The following CTIF variants were observed in gnomAD, a reference collection of about 807,000 sequenced individuals.
CTIF encodes cap binding complex dependent translation initiation factor, also known as CBP80/20-dependent translation initiation factor.
CTIF carries 21 observed loss-of-function variants against 66.0 expected under a neutral mutation model. That is an observed-to-expected ratio of 0.32 (90% confidence interval 0.23 to 0.46). CTIF has a LOEUF of 0.46. CTIF is among the 20% of genes least tolerant of loss of function. The pLI is 1.00. For synonymous variants in CTIF, 345 were observed against 326.4 expected, an observed-to-expected ratio of 1.06 and a Z score of -0.62; for missense variants, 739 against 812.7, an observed-to-expected ratio of 0.91 and a Z score of 1.10.
At chr18:48,808,625 T>C (rs79410603) in intron 9 of CTIF, among the ~76,000 whole-genome samples, 7,148 of 152,086 alleles carry the variant, frequency 0.047, 551 homozygotes, top group African/African-American at 0.16. Flanking sequence ...CTTAGACAGC[T>C]GTCCCTGCAC....
chr18:48,650,409 TGAGAA>T (rs963366392), intron 3 of CTIF, among the ~76,000 whole-genome samples: 1 of 151,868 alleles, frequency 6.6e-6, no homozygotes, highest in African/African-American at 2.4e-5. Flanking sequence ...TGAAATAAAG[TGAGAA>T]GAGAAGTTTA....
chr18:48,650,298 G>A (rs898353641), intron 3 of CTIF, among the ~76,000 whole-genome samples: 73 of 152,298 alleles, frequency 4.8e-4, no homozygotes, highest in African/African-American at 1.7e-3. Context: ...ACCTGATGGA[G>A]CTGAAAACCA....
chr18:48,540,763 G>T (rs1447209369), intron 1 of CTIF, among the ~76,000 whole-genome samples: 2 of 152,130 alleles, frequency 1.3e-5, no homozygotes, highest in African/African-American at 2.4e-5. Context: ...CCGCGGCGTA[G>T]TGGGGACAAG....
At chr18:48,834,050 C>CCCCTA (rs1301410879) in intron 10 of CTIF, among the ~76,000 whole-genome samples, 9 of 151,410 alleles carry the variant, frequency 5.9e-5, no homozygotes, top group African/African-American at 1.9e-4. Flanking sequence ...CCCCTCCCCT[C>CCCCTA]CCGTTCTCTT....
At chr18:48,787,315 G>GAAGA (rs1324865828) in intron 9 of CTIF, among the ~76,000 whole-genome samples, 1 of 152,108 alleles carries the variant, frequency 6.6e-6, no homozygotes, top group African/African-American at 2.4e-5. Flanking sequence ...GAAAGGGAAG[G>GAAGA]AAGAAAGAAA....
At chr18:48,692,197 C>T (rs2091936439) in intron 6 of CTIF, among the ~76,000 whole-genome samples, 1 of 151,888 alleles carries the variant, frequency 6.6e-6, no homozygotes, top group South Asian at 2.1e-4. Context: ...TAAAACAAAA[C>T]AAAAAACCCT....
intron 1 of CTIF, among the ~76,000 whole-genome samples, chr18:48,548,637 A>G (rs2088811495): frequency 6.6e-6 from 1 of 152,218 alleles, no homozygotes; most frequent in African/African-American, 2.4e-5. Context: ...GGCATGAAGG[A>G]CCCTGTGCAG....
At chr18:48,632,801 C>A (rs1158285302) in intron 2 of CTIF, among the ~76,000 whole-genome samples, 2 of 152,162 alleles carry the variant, frequency 1.3e-5, no homozygotes, top group Non-Finnish European at 2.9e-5. Flanking sequence ...CCCCACCCCC[C>A]TCTCATTGCT....
In CTIF at chr18:48,829,755, A is replaced by G. The variant is rs187549287; in HGVS notation, c.1527+12379A>G. 2.7e-3 allele frequency among the ~76,000 whole-genome samples: 418 copies of G among 152,364 alleles called. 2 individuals carry two copies. The highest frequency in any genetic ancestry group is 9.7e-3 in the African/African-American group (404 of 41,590). On this transcript the variant is annotated intron_variant, in intron 10 of 11. Coordinates refer to ENST00000256413, the MANE Select transcript of CTIF (RefSeq NM_014772.3). ...GCCCTGCACTAAGAGCCGAGGGTGAATAAAGCACACACAGCTCTCCAGGAC... is the reference window on the plus strand; with the variant it reads ...GCCCTGCACTAAGAGCCGAGGGTGAGTAAAGCACACACAGCTCTCCAGGAC...
intron 7 of CTIF, among the ~76,000 whole-genome samples, chr18:48,751,427 C>T (rs1254266947): frequency 2.6e-5 from 4 of 152,184 alleles, no homozygotes; most frequent in African/African-American, 4.8e-5. Flanking sequence ...AATAGATTCA[C>T]ATCTGTCTCT....
chr18:48,807,840 C>T (rs1166733581), intron 9 of CTIF, among the ~76,000 whole-genome samples: 1 of 152,094 alleles, frequency 6.6e-6, no homozygotes, highest in African/African-American at 2.4e-5. Flanking sequence ...TCTCAGCCTC[C>T]CAAAGTGATG....
chr18:48,600,527 G>T (rs1048576367), intron 1 of CTIF, among the ~76,000 whole-genome samples: 1 of 152,048 alleles, frequency 6.6e-6, no homozygotes, highest in Non-Finnish European at 1.5e-5. Context: ...TCTCTCATTC[G>T]CCTTGGTATC....
intron 8 of CTIF, among the ~76,000 whole-genome samples, chr18:48,758,908 TC>T (rs1431059447): frequency 1.3e-5 from 2 of 152,130 alleles, no homozygotes; most frequent in Non-Finnish European, 2.9e-5. Context: ...ATTCCAGCCT[TC>T]CTGTTTCCCG....
chr18:48,648,202 G>T (rs80050173), intron 3 of CTIF, among the ~76,000 whole-genome samples: 3,243 of 152,214 alleles, frequency 0.021, 120 homozygotes, highest in African/African-American at 0.075. Context: ...TTGGCCACAG[G>T]CATTATCATT....
At chr18:48,544,478 A>G (rs2145478766) in intron 1 of CTIF, among the ~76,000 whole-genome samples, 1 of 152,364 alleles carries the variant, frequency 6.6e-6, no homozygotes, top group East Asian at 1.9e-4. Context: ...TGATGAACAG[A>G]AAGCCTTGAA....
At chr18:48,620,532 A>G (rs1465382064) in intron 2 of CTIF, among the ~76,000 whole-genome samples, 1 of 152,154 alleles carries the variant, frequency 6.6e-6, no homozygotes, top group East Asian at 1.9e-4. Context: ...AGAACCTTCA[A>G]TGTCTGTGGG....
chr18:48,801,191 C>T (rs1171590409), intron 9 of CTIF, among the ~76,000 whole-genome samples: 1 of 152,192 alleles, frequency 6.6e-6, no homozygotes, highest in Admixed American at 6.5e-5. Context: ...GAGAGGGGCC[C>T]ATTCAGACAG....
intron 9 of CTIF, among the ~76,000 whole-genome samples, chr18:48,793,284 C>G (rs1373199509): frequency 1.3e-5 from 2 of 152,180 alleles, no homozygotes; most frequent in African/African-American, 4.8e-5. Flanking sequence ...AACCCCACCC[C>G]CTCTAAGTCT....
chr18:48,639,335 C>CT (rs2090884415), intron 3 of CTIF, among the ~76,000 whole-genome samples: 1 of 152,188 alleles, frequency 6.6e-6, no homozygotes, highest in South Asian at 2.1e-4. Context: ...TCCCGGTGGG[C>CT]TTGAAGCCAG....
Sources: gnomAD v4.1 joint callset for allele counts (sites outside exome capture counted in the v4.1 genomes callset) on GRCh38, gnomAD v4.1.1 for gene constraint, MANE v1.5 for transcripts, NCBI Gene and HGNC (gene_info 2026-07-23, HGNC 2026-07-21) for gene names.